ATXN10: variants seen among roughly 807,000 people sequenced by gnomAD.
The protein encoded by ATXN10 is ataxin 10.
Under a neutral mutation model 52.9 loss-of-function variants are expected in ATXN10, and 28 were observed. The observed-to-expected ratio is 0.53, with a 90% CI of 0.39 to 0.73. The LOEUF (loss-of-function observed/expected upper bound fraction) is 0.73, where lower values mean the gene tolerates loss of function less well. Ranked by LOEUF, ATXN10 falls within the 30% of genes least tolerant of loss-of-function variation. The pLI is 0.00. For synonymous variants in ATXN10, 226 were observed against 221.5 expected (o/e 1.02, Z -0.18); for missense variants, 565 against 577.0 (o/e 0.98, Z 0.21).
Position 45,671,965 on chromosome 22 carries a change from C to A in ATXN10, c.-99C>A. The A allele has an allele frequency of 7.3e-7, 1 of 1,363,252 alleles. No individual in the cohort carries two copies. The highest frequency in any genetic ancestry group is 1.3e-5 in the South Asian group (1 of 78,434). The allele number at this position is 1,363,252 out of a possible 1,614,324, so 84.4% of individuals were successfully genotyped here. A position where few individuals can be genotyped will look rare whatever the true frequency, so the allele number is the denominator to read the frequency against. On this transcript the variant is annotated 5_prime_UTR_variant, in exon 1 of 12. Coordinates refer to ENST00000252934, the MANE Select transcript of ATXN10 (RefSeq NM_013236.4). ...CTGTGTAGGGCGAGGCCTCCCCCTT[C>A]CTCCTCGCCATCCTACTCCTCCCTC... is the stretch of plus-strand genomic sequence containing the variant.
rs111315430 is a variant in ATXN10 at position 45,763,841 on chromosome 22, A to T, written c.1173+23303A>T. On this transcript the variant is annotated intron_variant, in intron 9 of 11. Transcript: ENST00000252934. This position sits in a 1 kb window ranked among gnomAD's most constrained non-coding sequence, Gnocchi z 6.9. Reference sequence around the variant, plus strand: ...CATAGCATGGTGGTGGAGTGGGCTCACTGAGTGAGCTGGTGAGCATGGGCT... The same window carrying T: ...CATAGCATGGTGGTGGAGTGGGCTCTCTGAGTGAGCTGGTGAGCATGGGCT... Among the ~76,000 whole-genome samples, 1,730 of 152,280 alleles carry T rather than the reference A, an allele frequency of 0.011. 39 individuals carry two copies. Among genetic ancestry groups the T allele is most frequent in the African/African-American group, 0.04 (1,651 of 41,554 alleles).
chr22:45,697,354 C>G (rs901962482), intron 3 of ATXN10, among the ~76,000 whole-genome samples: 2 of 151,962 alleles, frequency 1.3e-5, no homozygotes, highest in African/African-American at 4.8e-5. Flanking sequence ...AGGCTGGTCT[C>G]GAACTCCTGA....
Position 45,738,770 on chromosome 22 carries a change from G to A in ATXN10, c.934G>A (p.Glu312Lys), listed in dbSNP as rs780302545. The change falls in exon 8 of 12, where the codon GAA becomes AAA. Residue 312 changes from glutamate to lysine, a missense_variant. Coordinates refer to ENST00000252934, the MANE Select transcript of ATXN10 (RefSeq NM_013236.4). ...AATTAGGCTTCTCGACGTCCTGTGC[G>A]AAATGACTGTGAATACTGAGCTGCT... Reference protein sequence around the residue: ...ATIRLLDVLCEMTVNTELLGY... With the variant: ...ATIRLLDVLCKMTVNTELLGY... The A allele has an allele frequency of 2.2e-5, 35 of 1,613,972 alleles. No individual in the cohort carries two copies. Among genetic ancestry groups the A allele is most frequent in the South Asian group, 5.5e-5 (5 of 91,086 alleles).
At chr22:45,756,215 G>C (rs886842044) in intron 9 of ATXN10, among the ~76,000 whole-genome samples, 1 of 152,082 alleles carries the variant, frequency 6.6e-6, no homozygotes, top group Non-Finnish European at 1.5e-5. Flanking sequence ...GTGTGAACGG[G>C]CTCACTGTAG....
At position 45,826,966 on chromosome 22, in the gene ATXN10, T is replaced by G. The variant is rs1448598706; in HGVS notation, c.1238-16025T>G. ...TCTGAAAGGATTACTAGTTTATTTTTGGGGTACACAGCATATAAGGTTTTA... is the reference window on the plus strand; with the variant it reads ...TCTGAAAGGATTACTAGTTTATTTTGGGGGTACACAGCATATAAGGTTTTA... On this transcript the variant is annotated intron_variant, in intron 10 of 11. Transcript: ENST00000252934. This position sits in a 1 kb window ranked among gnomAD's most constrained non-coding sequence, Gnocchi z 5.0. 3.3e-5 allele frequency among the ~76,000 whole-genome samples: 5 copies of G among 152,244 alleles called. No homozygotes were observed. The highest frequency in any genetic ancestry group is 5.9e-5 in the Non-Finnish European group (4 of 68,040).
At chr22:45,694,039 C>T (rs577382302) in intron 3 of ATXN10, among the ~76,000 whole-genome samples, 8 of 152,230 alleles carry the variant, frequency 5.3e-5, no homozygotes, top group African/African-American at 1.4e-4. Flanking sequence ...CAAAAAGTGT[C>T]TGTCCTTAGA....
At position 45,750,344 on chromosome 22, in the gene ATXN10, C is replaced by T. The variant is rs1042623836; in HGVS notation, c.1173+9806C>T. On this transcript the variant is annotated intron_variant, in intron 9 of 11. Transcript: ENST00000252934. The surrounding 1 kb of genome is among the most constrained non-coding windows in gnomAD (Gnocchi z 4.2). Reference sequence around the variant, plus strand: ...CTCCTGAGCTTGAGCAGTCTGTCCACCTTGGCCTCCCAAAGTGCTAGGATT... The same window carrying T: ...CTCCTGAGCTTGAGCAGTCTGTCCATCTTGGCCTCCCAAAGTGCTAGGATT... Among the ~76,000 whole-genome samples the T allele has an allele frequency of 1.1e-4, 16 of 152,224 alleles. No homozygotes were observed. The highest frequency in any genetic ancestry group is 2.1e-4 in the South Asian group (1 of 4,824).
Position 45,787,546 on chromosome 22 carries a change from G to C in ATXN10, c.1174-19413G>C, listed in dbSNP as rs1341179539. ...ACCTTCGGTACTCAGTAGACTTACT[G>C]TATGGGAAGGAATGCTGTCCAGTCG... On this transcript the variant is annotated intron_variant, in intron 9 of 11. Transcript: ENST00000252934. This position sits in a 1 kb window ranked among gnomAD's most constrained non-coding sequence, Gnocchi z 4.2. Among the ~76,000 whole-genome samples, 1 of 152,170 alleles carries C rather than the reference G, an allele frequency of 6.6e-6. No individual in the cohort carries two copies. The highest frequency in any genetic ancestry group is 6.5e-5 in the Admixed American group (1 of 15,274).
At chr22:45,794,969 A>G (rs1310944100) in intron 9 of ATXN10, among the ~76,000 whole-genome samples, 5 of 152,210 alleles carry the variant, frequency 3.3e-5, no homozygotes, top group Non-Finnish European at 7.4e-5. Flanking sequence ...ATGGCAGTAT[A>G]TTAGGGGATT....
At chr22:45,717,777 A>G (rs1193037601) in intron 5 of ATXN10, among the ~76,000 whole-genome samples, 2 of 152,176 alleles carry the variant, frequency 1.3e-5, no homozygotes, top group Non-Finnish European at 2.9e-5. Flanking sequence ...TTAGTTCTTA[A>G]GTCTTTTCCT....
Position 45,837,177 on chromosome 22 carries a change from T to C in ATXN10, c.1238-5814T>C, listed in dbSNP as rs1167790563. On this transcript the variant is annotated intron_variant, in intron 10 of 11. Coordinates refer to ENST00000252934, the MANE Select transcript of ATXN10 (RefSeq NM_013236.4). This position sits in a 1 kb window ranked among gnomAD's most constrained non-coding sequence, Gnocchi z 5.8. ...AAAGTCCATATATATCAGAACATTATGAAAAGTCTTTTAACACATTTAAAT... is the reference window on the plus strand; with the variant it reads ...AAAGTCCATATATATCAGAACATTACGAAAAGTCTTTTAACACATTTAAAT... Among the ~76,000 whole-genome samples, 1 of 152,250 alleles carries C rather than the reference T, an allele frequency of 6.6e-6. No individual in the cohort carries two copies. The highest frequency in any genetic ancestry group is 1.5e-5 in the Non-Finnish European group (1 of 68,046).
intron 2 of ATXN10, among the ~76,000 whole-genome samples, chr22:45,691,447 A>C (rs1327362053): frequency 6.6e-6 from 1 of 152,260 alleles, no homozygotes; most frequent in Admixed American, 6.5e-5. Context: ...CATTTTTACA[A>C]AAGATGAAAC....
chr22:45,682,898 G>A (rs955021441), intron 1 of ATXN10, among the ~76,000 whole-genome samples: 5 of 152,044 alleles, frequency 3.3e-5, no homozygotes, highest in African/African-American at 9.7e-5. Context: ...CTTTCCCTCT[G>A]CTCCAAAAAC....
intron 8 of ATXN10, among the ~76,000 whole-genome samples, chr22:45,740,020 A>G (rs1210023009): frequency 1.3e-5 from 2 of 152,210 alleles, no homozygotes; most frequent in African/African-American, 4.8e-5. Flanking sequence ...AGTTATTAGA[A>G]AAGTTCTTTC....
intron 9 of ATXN10, among the ~76,000 whole-genome samples, chr22:45,773,590 C>T (rs1410565473): frequency 6.6e-6 from 1 of 152,084 alleles, no homozygotes; most frequent in Non-Finnish European, 1.5e-5. Flanking sequence ...TCCTGAGTAA[C>T]TGGGATTACA....
At position 45,769,693 on chromosome 22, in the gene ATXN10, G is replaced by A. The variant is rs906090655; in HGVS notation, c.1173+29155G>A. 2.6e-5 allele frequency among the ~76,000 whole-genome samples: 4 copies of A among 152,176 alleles called. No individual in the cohort carries two copies. The highest frequency in any genetic ancestry group is 5.9e-5 in the Non-Finnish European group (4 of 68,026). On this transcript the variant is annotated intron_variant, in intron 9 of 11. Coordinates refer to ENST00000252934, the MANE Select transcript of ATXN10 (RefSeq NM_013236.4). This position sits in a 1 kb window ranked among gnomAD's most constrained non-coding sequence, Gnocchi z 4.2. ...CCGATTCCCTAGGACCTTGAAGCCAGCCTTGGGCATCTTCCTGGCCAGGAG... is the reference window on the plus strand; with the variant it reads ...CCGATTCCCTAGGACCTTGAAGCCAACCTTGGGCATCTTCCTGGCCAGGAG...
chr22:45,751,739 G>GAAAAA (rs1925959977), intron 9 of ATXN10, among the ~76,000 whole-genome samples: 5 of 14,078 alleles, frequency 3.6e-4, no homozygotes, highest in African/African-American at 9.0e-4. Flanking sequence ...ACCTTTTTCT[G>GAAAAA]GAAAAAAAAA....
chr22:45,673,167 GATTGGTAGTTACCC>G (rs1290196780), intron 1 of ATXN10: 1 of 152,232 alleles, frequency 6.6e-6, no homozygotes, highest in Non-Finnish European at 1.5e-5. Flanking sequence ...TTAACACATT[GATTGGTAGTTACCC>G]ATGTATCAGC....
intron 9 of ATXN10, chr22:45,793,200 A>G (rs1288702992): frequency 6.3e-6 from 1 of 158,472 alleles, no homozygotes; most frequent in Non-Finnish European, 1.4e-5. Flanking sequence ...TAGATAAAGT[A>G]CCATCAAAAC....
Sources: allele counts gnomAD v4.1 joint callset (sites outside exome capture counted in the v4.1 genomes callset), GRCh38; gene constraint gnomAD v4.1.1; non-coding constraint Gnocchi (gnomAD v3.1); transcripts MANE v1.5; gene names NCBI Gene and HGNC (gene_info 2026-07-23, HGNC 2026-07-21).